Variants in PRKN observed in about 807,000 individuals in gnomAD.
PRKN encodes parkin RBR E3 ubiquitin protein ligase.
PRKN carries 56 observed loss-of-function variants against 59.5 expected under a neutral mutation model. That is an observed-to-expected ratio of 0.94 (90% CI 0.76 to 1.18). The LOEUF (loss-of-function observed/expected upper bound fraction) is 1.18, where lower values mean the gene tolerates loss of function less well. PRKN is among the 50% of genes most tolerant of loss of function. PRKN has a pLI of 0.00. For synonymous variants in PRKN, 250 were observed against 222.1 expected (o/e 1.13, Z -1.12); for missense variants, 657 against 596.4 (o/e 1.10, Z -1.06).
intron 5 of PRKN, among the ~76,000 whole-genome samples, chr6:162,030,597 C>A (rs1180721751): frequency 6.6e-6 from 1 of 152,212 alleles, no homozygotes; most frequent in Non-Finnish European, 1.5e-5. Context: ...CTTCCCTGCA[C>A]ACTCCCTGTT....
At chr6:162,385,872 A>G (rs1786776175) in intron 2 of PRKN, among the ~76,000 whole-genome samples, 1 of 152,180 alleles carries the variant, frequency 6.6e-6, no homozygotes, top group African/African-American at 2.4e-5. Context: ...TCCCTAAAAA[A>G]AAAAGTTTCA....
intron 7 of PRKN, among the ~76,000 whole-genome samples, chr6:161,777,531 T>C (rs1395733352): frequency 6.6e-6 from 1 of 151,546 alleles, no homozygotes; most frequent in Non-Finnish European, 1.5e-5. Context: ...CACATCTTGA[T>C]AGCAAGAGGT....
intron 6 of PRKN, among the ~76,000 whole-genome samples, chr6:161,928,487 C>T (rs1779047597): frequency 6.6e-6 from 1 of 152,018 alleles, no homozygotes; most frequent in Non-Finnish European, 1.5e-5. Flanking sequence ...TGGTTTTATT[C>T]CACAGGATTT....
chr6:162,548,667 A>G (rs1446185875), intron 1 of PRKN, among the ~76,000 whole-genome samples: 1 of 152,132 alleles, frequency 6.6e-6, no homozygotes, highest in African/African-American at 2.4e-5. Flanking sequence ...TTTAAGCTAA[A>G]AGACATTTTC....
intron 1 of PRKN, among the ~76,000 whole-genome samples, chr6:162,711,749 G>A (rs1445233624): frequency 6.6e-6 from 1 of 152,184 alleles, no homozygotes; most frequent in Non-Finnish European, 1.5e-5. Context: ...TCTATATGGG[G>A]GAAAGTAGGC....
chr6:161,556,521 C>T (rs1780245022), intron 8 of PRKN, among the ~76,000 whole-genome samples: 1 of 152,106 alleles, frequency 6.6e-6, no homozygotes, highest in Non-Finnish European at 1.5e-5. Context: ...TTTCATAGAT[C>T]CTTTTAACCA....
At chr6:162,503,488 AT>A (rs1793470766) in intron 1 of PRKN, among the ~76,000 whole-genome samples, 1 of 152,158 alleles carries the variant, frequency 6.6e-6, no homozygotes, top group African/African-American at 2.4e-5. Flanking sequence ...TCAAAGAAAC[AT>A]TCATATTTGA....
chr6:161,828,662 G>A (rs1023836096), intron 6 of PRKN, among the ~76,000 whole-genome samples: 5 of 152,106 alleles, frequency 3.3e-5, no homozygotes, highest in African/African-American at 1.2e-4. Flanking sequence ...CAGGCACTCT[G>A]TCTCTCAGCA....
intron 10 of PRKN, among the ~76,000 whole-genome samples, chr6:161,384,483 C>T (rs1023897473): frequency 3.3e-5 from 5 of 151,924 alleles, no homozygotes; most frequent in Admixed American, 3.3e-4. Flanking sequence ...AAGGAGTCTG[C>T]AGTGAGCCAA....
chr6:161,573,719 CAAAAAAAAAAAAAAAAA>C (rs1207463759), intron 7 of PRKN, among the ~76,000 whole-genome samples: 4 of 18,764 alleles, frequency 2.1e-4, no homozygotes, highest in Non-Finnish European at 2.9e-4. Context: ...GACTCCGTCT[CAAAAAAAAAAAAAAAAA>C]AAAAAAAAAA....
chr6:161,459,865 A>T lies in PRKN; in HGVS notation c.1084-72988T>A, dbSNP rs975906655. ...TTCTGGCCCAGAAATGGGTCAGCAG[A>T]AACTATTATATTGAAAGTTGGTTTC... On this transcript the variant is annotated intron_variant, in intron 9 of 11. Transcript: ENST00000366898. The surrounding 1 kb of genome is among the most constrained non-coding windows in gnomAD (Gnocchi z 4.8). 3.3e-5 allele frequency among the ~76,000 whole-genome samples: 5 copies of T among 152,210 alleles called. No individual in the cohort carries two copies. Among genetic ancestry groups the T allele is most frequent in the Non-Finnish European group, 7.3e-5 (5 of 68,036 alleles).
intron 9 of PRKN, among the ~76,000 whole-genome samples, chr6:161,424,865 C>T (rs1788260795): frequency 6.6e-6 from 1 of 152,122 alleles, no homozygotes; most frequent in Admixed American, 6.5e-5. Flanking sequence ...AGCGTCTTTA[C>T]ATCTTAATTC....
intron 9 of PRKN, among the ~76,000 whole-genome samples, chr6:161,516,827 A>AAAG (rs1554270432): frequency 5.5e-5 from 1 of 18,030 alleles, no homozygotes; most frequent in Non-Finnish European, 1.4e-4. Context: ...ACTCAATCTC[A>AAAG]AAAAAAAAAA....
At chr6:161,903,115 A>T (rs771857418) in intron 6 of PRKN, among the ~76,000 whole-genome samples, 1 of 152,116 alleles carries the variant, frequency 6.6e-6, no homozygotes, top group Non-Finnish European at 1.5e-5. Context: ...CCCAGCACCC[A>T]GTGTCTAGAT....
chr6:162,065,751 T>C (rs1778312219), intron 4 of PRKN, among the ~76,000 whole-genome samples: 1 of 152,098 alleles, frequency 6.6e-6, no homozygotes, highest in Non-Finnish European at 1.5e-5. Context: ...CCCCAGTATG[T>C]GATGTTCCCT....
At chr6:162,116,462 A>G (rs750207813) in intron 4 of PRKN, among the ~76,000 whole-genome samples, 2 of 152,218 alleles carry the variant, frequency 1.3e-5, no homozygotes, top group Non-Finnish European at 2.9e-5. Context: ...TAAGAGAAAG[A>G]AGATGGCTGA....
chr6:162,576,013 T>A (rs1780541662), intron 1 of PRKN, among the ~76,000 whole-genome samples: 1 of 152,198 alleles, frequency 6.6e-6, no homozygotes, highest in Non-Finnish European at 1.5e-5. Flanking sequence ...CTTGGTTCTA[T>A]TGGTTTATAA....
chr6:162,118,119 G>A (rs1046921457), intron 4 of PRKN, among the ~76,000 whole-genome samples: 3 of 151,522 alleles, frequency 2.0e-5, no homozygotes, highest in African/African-American at 7.3e-5. Flanking sequence ...TTTTAAAAAT[G>A]AGTATGATTG....
At chr6:162,001,295 T>C (rs996355263) in intron 5 of PRKN, among the ~76,000 whole-genome samples, 1 of 152,076 alleles carries the variant, frequency 6.6e-6, no homozygotes, top group Non-Finnish European at 1.5e-5. Flanking sequence ...TTTCTCCATT[T>C]ATTTAGTTAA....
Sources: gnomAD v4.1 joint callset for allele counts (sites outside exome capture counted in the v4.1 genomes callset) on GRCh38, gnomAD v4.1.1 for gene constraint, Gnocchi (gnomAD v3.1) non-coding constraint, MANE v1.5 for transcripts, NCBI Gene and HGNC (gene_info 2026-07-23, HGNC 2026-07-21) for gene names.